The following NUP37 variants were observed in gnomAD, a reference collection of about 807,000 sequenced individuals.
NUP37 encodes nucleoporin 37, also known as nucleoporin Nup37.
Under a neutral mutation model 45.4 loss-of-function variants are expected in NUP37, and 33 were observed. The observed-to-expected ratio is 0.73, with a 90% CI of 0.55 to 0.97. The LOEUF is 0.97. Ranked by LOEUF, NUP37 falls within the 50% of genes least tolerant of loss-of-function variation. NUP37 has a pLI of 0.00. For synonymous variants in NUP37, 127 were observed against 130.7 expected (o/e 0.97, Z 0.19); for missense variants, 365 against 389.7 (o/e 0.94, Z 0.53).
In NUP37 at chr12:102,116,410, C is replaced by T. The variant is rs185028919; in HGVS notation, c.156+1953G>A. Among the ~76,000 whole-genome samples, 1,304 of 152,192 alleles carry T rather than the reference C, an allele frequency of 8.6e-3. 10 individuals carry two copies. The highest frequency in any genetic ancestry group is 0.011 in the Non-Finnish European group (768 of 68,006). The stretch of plus-strand genomic sequence containing the variant: ...GGCTTGCATTAGAGAAATGGTTTTT[C>T]CTCAGTCTTTTTCAAGTACGTAACA... On this transcript the variant is annotated intron_variant, in intron 2 of 9. Transcript: ENST00000552283.
intron 3 of NUP37, among the ~76,000 whole-genome samples, 189 bp from the exon 4 acceptor site, chr12:102,101,293 T>G (rs1879965374): frequency 6.6e-6 from 1 of 152,138 alleles, no homozygotes; most frequent in Non-Finnish European, 1.5e-5. Context: ...TCACAGAAAG[T>G]AGGAGTCATA....
At chr12:102,083,347 A>G (rs922950063) in intron 6 of NUP37, among the ~76,000 whole-genome samples, 15 of 152,242 alleles carry the variant, frequency 9.9e-5, no homozygotes, top group Admixed American at 2.0e-4. Context: ...TATCAATTTA[A>G]TAAGTTAGAA....
At chr12:102,117,456 AAAT>A (rs1555207456) in intron 2 of NUP37, among the ~76,000 whole-genome samples, 2 of 152,206 alleles carry the variant, frequency 1.3e-5, no homozygotes, top group Admixed American at 1.3e-4. Context: ...AAAAAAATAA[AAAT>A]AATAATAATA....
intron 5 of NUP37, among the ~76,000 whole-genome samples, chr12:102,090,945 C>T (rs1879632965): frequency 1.3e-5 from 2 of 152,066 alleles, no homozygotes; most frequent in Non-Finnish European, 2.9e-5. Flanking sequence ...GTCTAGACCA[C>T]GTCAGACAAC....
chr12:102,118,606 A>G (rs2136768053), intron 1 of NUP37, 23 bp from the exon 2 acceptor site: 1 of 1,163,768 alleles, frequency 8.6e-7, no homozygotes, highest in South Asian at 1.5e-5. Context: ...GCACAGGTAC[A>G]ATTACAATGG....
rs574173274 is a variant in NUP37, at chr12:102,095,827, C to T, written c.449+3279G>A. On this transcript the variant is annotated intron_variant, in intron 5 of 9. Transcript: ENST00000552283. ...ATTACTACTAACATGAGCTTTTATC[C>T]TAAAACTGTAGATCTGCTCAGCGCT... Among the ~76,000 whole-genome samples the T allele has an allele frequency of 5.3e-5, 8 of 152,100 alleles. No individual in the cohort carries two copies. In the South Asian group the frequency reaches 1.7e-3, roughly 32 times the overall value.
intron 2 of NUP37, among the ~76,000 whole-genome samples, chr12:102,113,174 G>A (rs963233559): frequency 6.6e-6 from 1 of 152,142 alleles, no homozygotes; most frequent in Non-Finnish European, 1.5e-5. Flanking sequence ...CTGTTATAAG[G>A]GTATCTGCCT....
chr12:102,101,969 C>A (rs1594395692), intron 3 of NUP37, among the ~76,000 whole-genome samples: 1 of 152,162 alleles, frequency 6.6e-6, no homozygotes, highest in East Asian at 1.9e-4. Flanking sequence ...AGATGATCCG[C>A]CCATCTTGGC....
chr12:102,082,300 T>C (rs962681081), intron 6 of NUP37, among the ~76,000 whole-genome samples: 34 of 152,142 alleles, frequency 2.2e-4, no homozygotes, highest in Non-Finnish European at 8.8e-5. Context: ...TAGGTAATCA[T>C]GAACTCATAT....
intron 3 of NUP37, among the ~76,000 whole-genome samples, chr12:102,101,557 T>C (rs968049707): frequency 2.6e-5 from 4 of 152,186 alleles, no homozygotes; most frequent in Admixed American, 1.3e-4. Flanking sequence ...TTTCTATTCC[T>C]CCAAATAAAT....
chr12:102,093,939 G>T (rs1879731370), intron 5 of NUP37, among the ~76,000 whole-genome samples: 1 of 152,050 alleles, frequency 6.6e-6, no homozygotes, highest in South Asian at 2.1e-4. Context: ...CAAAGTATCA[G>T]CTACTAGAGA....
At chr12:102,100,460 A>G (rs1229532363) in intron 4 of NUP37, among the ~76,000 whole-genome samples, 10 of 152,310 alleles carry the variant, frequency 6.6e-5, no homozygotes, top group African/African-American at 2.2e-4. Context: ...CATTATTCTA[A>G]GCGTTTTATA....
At chr12:102,109,853 A>G (rs1392745999) in intron 3 of NUP37, among the ~76,000 whole-genome samples, 2 of 152,244 alleles carry the variant, frequency 1.3e-5, no homozygotes, top group Non-Finnish European at 2.9e-5. Context: ...CACAAAACTT[A>G]AAACCAAGGG....
chr12:102,094,727 T>C (rs1471812482), intron 5 of NUP37, among the ~76,000 whole-genome samples: 2 of 152,132 alleles, frequency 1.3e-5, no homozygotes, highest in Non-Finnish European at 2.9e-5. Context: ...TTTGGTTACA[T>C]TCTAATATCT....
rs12319984 is a variant in NUP37, at chr12:102,077,602, A to T, written c.541-99T>A. 4,415 of 1,169,658 alleles carry T rather than the reference A, an allele frequency of 3.8e-3. 132 individuals are homozygous for T. In the African/African-American group the frequency reaches 0.063, roughly 17 times the overall value. 72.5% of individuals were successfully genotyped at this position (1,169,658 alleles called of 1,614,324 possible). ...CACTGTTGTACGGTAAAATGTAAAC[A>T]TTTGCAATATACAGGTTCAGCATTC... is the stretch of plus-strand genomic sequence containing the variant. On this transcript the variant is annotated intron_variant, in intron 6 of 9. Transcript: ENST00000552283.
chr12:102,099,771 G>A (rs1273501640), intron 4 of NUP37, among the ~76,000 whole-genome samples: 1 of 152,194 alleles, frequency 6.6e-6, no homozygotes, highest in African/African-American at 2.4e-5. Context: ...CAAATGAGAA[G>A]TTGCACAGTG....
At chr12:102,099,503 C>A (rs1879912647) in intron 4 of NUP37, among the ~76,000 whole-genome samples, 1 of 152,066 alleles carries the variant, frequency 6.6e-6, no homozygotes, top group Non-Finnish European at 1.5e-5. Flanking sequence ...ATATCACCTC[C>A]TTTCTCACTT....
At chr12:102,081,305 A>G (rs1229484864) in intron 6 of NUP37, among the ~76,000 whole-genome samples, 1 of 152,240 alleles carries the variant, frequency 6.6e-6, no homozygotes, top group Non-Finnish European at 1.5e-5. Context: ...ACTGTGCTCA[A>G]TTATGACAAA....
intron 6 of NUP37, among the ~76,000 whole-genome samples, chr12:102,085,317 G>T (rs1020746953): frequency 6.6e-6 from 1 of 152,146 alleles, no homozygotes; most frequent in East Asian, 1.9e-4. Context: ...AGCTACTCAG[G>T]AGGCTGAGGT....
Sources: gnomAD v4.1 joint callset for allele counts (sites outside exome capture counted in the v4.1 genomes callset) on GRCh38, gnomAD v4.1.1 for gene constraint, MANE v1.5 for transcripts, NCBI Gene and HGNC (gene_info 2026-07-23, HGNC 2026-07-21) for gene names.